The following PRKN variants were observed in gnomAD, a reference collection of about 807,000 sequenced individuals.
The protein encoded by PRKN is parkin RBR E3 ubiquitin protein ligase.
Under a neutral mutation model 59.5 loss-of-function variants are expected in PRKN, and 56 were observed. The ratio of observed to expected loss-of-function variants is 0.94; its 90% CI spans 0.76 to 1.18. The LOEUF (loss-of-function observed/expected upper bound fraction) is 1.18, where lower values mean the gene tolerates loss of function less well. Among genes scored for constraint, PRKN ranks in the 50% most tolerant of loss-of-function variants. The pLI is 0.00. For synonymous variants in PRKN, 250 were observed against 222.1 expected (o/e 1.13, Z -1.12); for missense variants, 657 against 596.4 (o/e 1.10, Z -1.06).
chr6:161,553,791 T>C (rs1247689908), intron 8 of PRKN, among the ~76,000 whole-genome samples: 1 of 152,252 alleles, frequency 6.6e-6, no homozygotes, highest in Non-Finnish European at 1.5e-5. Flanking sequence ...AGTGATTTCC[T>C]TCTTGATGCA....
chr6:162,257,814 C>T (rs1004871465), intron 3 of PRKN, among the ~76,000 whole-genome samples: 4 of 152,106 alleles, frequency 2.6e-5, no homozygotes, highest in Non-Finnish European at 5.9e-5. Flanking sequence ...ACCCTTTCCT[C>T]CTGCAGTTCC....
chr6:162,430,170 C>CGATGAT (rs200540756), intron 2 of PRKN, among the ~76,000 whole-genome samples: 7,324 of 141,480 alleles, frequency 0.052, 593 homozygotes, highest in African/African-American at 0.21. Context: ...ACGACGACGA[C>CGATGAT]GACGATGATG....
At chr6:161,667,491 G>A (rs1166925625) in intron 7 of PRKN, among the ~76,000 whole-genome samples, 1 of 152,194 alleles carries the variant, frequency 6.6e-6, no homozygotes, top group East Asian at 1.9e-4. Context: ...TTCACGCAGA[G>A]TTTATTTTCT....
intron 2 of PRKN, among the ~76,000 whole-genome samples, chr6:162,415,980 A>G (rs948165596): frequency 4.6e-5 from 7 of 152,210 alleles, no homozygotes; most frequent in Non-Finnish European, 1.0e-4. Flanking sequence ...TCTGTTGTTT[A>G]GTGCACTGAA....
chr6:162,588,008 T>G (rs1781134825), intron 1 of PRKN, among the ~76,000 whole-genome samples: 1 of 150,514 alleles, frequency 6.6e-6, no homozygotes, highest in Non-Finnish European at 1.5e-5. Context: ...TAAGTGAGTT[T>G]TTGAGTTTTT....
intron 9 of PRKN, among the ~76,000 whole-genome samples, chr6:161,515,044 G>A (rs751984519): frequency 2.9e-4 from 44 of 152,164 alleles, no homozygotes; most frequent in Admixed American, 4.6e-4. Context: ...CTCTATACAT[G>A]TCTTATTTCC....
Position 161,556,392 on chromosome 6 carries a change from A to T in PRKN, c.934-7389T>A, listed in dbSNP as rs16892795. 3.7e-3 allele frequency among the ~76,000 whole-genome samples: 565 copies of T among 152,332 alleles called. 11 individuals carry two copies. In the East Asian group the frequency reaches 0.059, roughly 16 times the overall value. ...TTTATAAGAAAAACACTGACCTGGAACAAAGAATGTGCTAGTATTTGTAGA... is the reference window on the plus strand; with the variant it reads ...TTTATAAGAAAAACACTGACCTGGATCAAAGAATGTGCTAGTATTTGTAGA... On this transcript the variant is annotated intron_variant, in intron 8 of 11. Coordinates refer to ENST00000366898, the MANE Select transcript of PRKN (RefSeq NM_004562.3).
intron 5 of PRKN, among the ~76,000 whole-genome samples, chr6:161,984,478 G>C (rs548256926): frequency 6.6e-6 from 1 of 151,984 alleles, no homozygotes; most frequent in African/African-American, 2.4e-5. Flanking sequence ...GGATGGTCTC[G>C]AACTCCTGAC....
intron 9 of PRKN, among the ~76,000 whole-genome samples, chr6:161,406,972 A>G (rs1210201978): frequency 1.3e-5 from 2 of 152,176 alleles, no homozygotes; most frequent in East Asian, 3.8e-4. Flanking sequence ...TGGAAACATC[A>G]TGAGCTTAGG....
intron 4 of PRKN, among the ~76,000 whole-genome samples, chr6:162,135,971 C>T (rs1037105841): frequency 1.3e-5 from 2 of 152,034 alleles, no homozygotes; most frequent in African/African-American, 4.8e-5. Flanking sequence ...GATTTTCTCA[C>T]TGAAGCCTTG....
intron 1 of PRKN, among the ~76,000 whole-genome samples, chr6:162,500,489 T>C (rs1793317116): frequency 6.6e-6 from 1 of 152,174 alleles, no homozygotes; most frequent in African/African-American, 2.4e-5. Context: ...CCATTCTTAC[T>C]GCACGTCTAT....
At chr6:161,505,901 C>A (rs1451521099) in intron 9 of PRKN, among the ~76,000 whole-genome samples, 1 of 150,896 alleles carries the variant, frequency 6.6e-6, no homozygotes. Flanking sequence ...GTTTTGGTAC[C>A]AGTACCATGC....
At chr6:161,649,249 T>C (rs977442122) in intron 7 of PRKN, among the ~76,000 whole-genome samples, 5 of 152,194 alleles carry the variant, frequency 3.3e-5, no homozygotes, top group Admixed American at 1.3e-4. Flanking sequence ...GGTCTCCTTA[T>C]GGTGAGCGCC....
intron 9 of PRKN, among the ~76,000 whole-genome samples, chr6:161,496,488 C>T (rs969760298): frequency 1.7e-4 from 26 of 152,168 alleles, no homozygotes; most frequent in Middle Eastern, 3.2e-3. Context: ...TGGCGGAAGG[C>T]CAATGAGGAG....
intron 3 of PRKN, among the ~76,000 whole-genome samples, chr6:162,249,459 C>T (rs931957618): frequency 3.3e-5 from 5 of 152,116 alleles, no homozygotes; most frequent in Admixed American, 2.0e-4. Flanking sequence ...CTAGTGCCTA[C>T]GAAGCCCAGT....
intron 6 of PRKN, among the ~76,000 whole-genome samples, chr6:161,883,944 C>G (rs1037476189): frequency 6.6e-6 from 1 of 152,148 alleles, no homozygotes; most frequent in Admixed American, 6.6e-5. Flanking sequence ...TGAGCCACTG[C>G]GCCCAGCCTA....
intron 6 of PRKN, among the ~76,000 whole-genome samples, chr6:161,914,289 C>T (rs1778472460): frequency 1.3e-5 from 2 of 152,064 alleles, no homozygotes; most frequent in Admixed American, 1.3e-4. Context: ...AAAGAATAAG[C>T]TGTAAAGTAG....
chr6:162,378,467 G>A (rs553091455), intron 2 of PRKN, among the ~76,000 whole-genome samples: 2 of 152,328 alleles, frequency 1.3e-5, no homozygotes, highest in African/African-American at 2.4e-5. Flanking sequence ...ACAGGCCAAC[G>A]GATGTTTCTA....
At chr6:162,588,310 G>A (rs544218142) in intron 1 of PRKN, among the ~76,000 whole-genome samples, 51 of 151,372 alleles carry the variant, frequency 3.4e-4, no homozygotes, top group Admixed American at 9.9e-4. Flanking sequence ...GGCGCCCACC[G>A]GAACAAAGTG....
Sources: allele counts gnomAD v4.1 joint callset (sites outside exome capture counted in the v4.1 genomes callset), GRCh38; gene constraint gnomAD v4.1.1; transcripts MANE v1.5; gene names NCBI Gene and HGNC (gene_info 2026-07-23, HGNC 2026-07-21).